Variants in MAP4 observed in about 807,000 individuals in gnomAD.
MAP4 encodes the protein microtubule-associated protein 4.
MAP4 carries 76 observed loss-of-function variants against 170.2 expected under a neutral mutation model. The observed-to-expected ratio is 0.45, with a 90% confidence interval of 0.37 to 0.54. MAP4 has a LOEUF of 0.54. Ranked by LOEUF, MAP4 falls within the 20% of genes least tolerant of loss-of-function variation. MAP4 has a pLI of 0.00. For synonymous variants in MAP4, 909 were observed against 994.5 expected (o/e 0.91, Z 1.62); for missense variants, 2,506 against 2,748.0 (o/e 0.91, Z 1.97).
chr3:47,865,150 A>G (rs2077159985), intron 17 of MAP4, among the ~76,000 whole-genome samples: 1 of 152,198 alleles, frequency 6.6e-6, no homozygotes, highest in African/African-American at 2.4e-5. Context: ...AACCCTACAC[A>G]TGTGAGGTCA....
chr3:47,989,254 AAT>A (rs1447885397), intron 2 of MAP4, among the ~76,000 whole-genome samples: 1 of 152,202 alleles, frequency 6.6e-6, no homozygotes, highest in East Asian at 1.9e-4. Context: ...CTATTTAAAA[AAT>A]ATTGTTTTAA....
chr3:48,068,608 T>A (rs1006867091), intron 1 of MAP4, among the ~76,000 whole-genome samples: 3 of 151,798 alleles, frequency 2.0e-5, no homozygotes. Flanking sequence ...CACGGTGAAA[T>A]CCCATCTCTA....
At chr3:48,029,633 C>G (rs2100114905) in intron 1 of MAP4, among the ~76,000 whole-genome samples, 1 of 152,092 alleles carries the variant, frequency 6.6e-6, no homozygotes, top group African/African-American at 2.4e-5. Context: ...CATGTAGCTA[C>G]AGACAACTAG....
At chr3:47,954,772 G>T (rs184242205) in intron 3 of MAP4, among the ~76,000 whole-genome samples, 8 of 152,308 alleles carry the variant, frequency 5.3e-5, no homozygotes, top group African/African-American at 1.7e-4. Flanking sequence ...TAGATGAAAT[G>T]CTTAGCTCAA....
chr3:47,854,878 A>G (rs1239385628), intron 19 of MAP4, among the ~76,000 whole-genome samples: 1 of 152,126 alleles, frequency 6.6e-6, no homozygotes, highest in Non-Finnish European at 1.5e-5. Flanking sequence ...GGGAACCCAC[A>G]TTCCCCTTGG....
At chr3:47,891,182 T>A in intron 10 of MAP4, 1 of 1,536,240 alleles carries the variant, frequency 6.5e-7, no homozygotes, top group Non-Finnish European at 8.7e-7. Context: ...AAAATCTTCC[T>A]GCCCTTTTTC....
intron 1 of MAP4, among the ~76,000 whole-genome samples, chr3:48,070,520 C>T (rs1443066835): frequency 2.7e-5 from 4 of 149,244 alleles, no homozygotes; most frequent in South Asian, 4.3e-4. Context: ...TGGGGTCTCA[C>T]TATGCTGCTT....
At chr3:48,012,971 GT>G (rs869272625) in intron 1 of MAP4, among the ~76,000 whole-genome samples, 26 of 106,418 alleles carry the variant, frequency 2.4e-4, no homozygotes, top group African/African-American at 5.5e-4. Context: ...AAGTACTGTT[GT>G]TTTTTTTTTC....
At chr3:48,077,235 G>A (rs1212292811) in intron 1 of MAP4, among the ~76,000 whole-genome samples, 1 of 151,980 alleles carries the variant, frequency 6.6e-6, no homozygotes, top group Non-Finnish European at 1.5e-5. Flanking sequence ...CTGAGGTTGG[G>A]AGTTCGAGCC....
chr3:47,891,664 C>G (rs932391281), intron 10 of MAP4: 1 of 1,536,120 alleles, frequency 6.5e-7, no homozygotes, highest in Non-Finnish European at 8.7e-7. Context: ...TCAATTTCTC[C>G]AACTCCTTAT....
intron 3 of MAP4, among the ~76,000 whole-genome samples, chr3:47,947,299 T>TA (rs1578130341): frequency 6.6e-6 from 1 of 152,208 alleles, no homozygotes; most frequent in Non-Finnish European, 1.5e-5. Flanking sequence ...ACTCCCTTTT[T>TA]ACCCCTTCCT....
chr3:48,078,405 C>T (rs2100144968), intron 1 of MAP4, among the ~76,000 whole-genome samples: 1 of 151,424 alleles, frequency 6.6e-6, no homozygotes, highest in Non-Finnish European at 1.5e-5. Flanking sequence ...AATCCTCCCA[C>T]CTCAGCCTCC....
chr3:47,934,392 T>C (rs1396846219), intron 3 of MAP4, among the ~76,000 whole-genome samples: 1 of 152,142 alleles, frequency 6.6e-6, no homozygotes, highest in Admixed American at 6.6e-5. Flanking sequence ...AAACTCCGTC[T>C]CCCAGGCTCA....
intron 3 of MAP4, among the ~76,000 whole-genome samples, chr3:47,935,269 A>T (rs896065308): frequency 3.3e-5 from 5 of 152,206 alleles, no homozygotes; most frequent in African/African-American, 1.2e-4. Flanking sequence ...AGATAGAAGG[A>T]TGTAATTAAA....
rs2052865717 is a variant in MAP4 at position 47,855,167 on chromosome 3, GCCTA to G, written c.6696+77_6696+80del. ...AAGAGACTGAGGGGCGGTGACAGGTGCCTACCTGTGAGGACCCTGACCCTAACTG... is the reference window on the plus strand; with the variant it reads ...AAGAGACTGAGGGGCGGTGACAGGTGCCTGTGAGGACCCTGACCCTAACTG... On this transcript the variant is annotated intron_variant, in intron 19 of 20. Transcript: ENST00000683076. This position sits in a 1 kb window ranked among gnomAD's most constrained non-coding sequence, Gnocchi z 5.1. The G allele has an allele frequency of 2.2e-6, 2 of 895,466 alleles. No individual in the cohort carries two copies. Among genetic ancestry groups the G allele is most frequent in the South Asian group, 2.7e-5 (2 of 72,848 alleles). The allele number at this position is 895,466 out of a possible 1,614,324, so 55.5% of individuals were successfully genotyped here. A position where few individuals can be genotyped will look rare whatever the true frequency, so the allele number is the denominator to read the frequency against.
At chr3:47,951,575 C>T (rs1268523837) in intron 3 of MAP4, among the ~76,000 whole-genome samples, 1 of 152,248 alleles carries the variant, frequency 6.6e-6, no homozygotes, top group Non-Finnish European at 1.5e-5. Context: ...TGGTCTCCAG[C>T]TCCTAACCGC....
chr3:47,945,953 G>T (rs2100059588), intron 3 of MAP4, among the ~76,000 whole-genome samples: 1 of 151,496 alleles, frequency 6.6e-6, no homozygotes, highest in Non-Finnish European at 1.5e-5. Context: ...TATTTTTTTT[G>T]AGATGGAGTC....
chr3:47,881,741 G>A (rs1203078321), intron 10 of MAP4, among the ~76,000 whole-genome samples: 1 of 151,124 alleles, frequency 6.6e-6, no homozygotes, highest in African/African-American at 2.4e-5. Context: ...GAATAGCTAG[G>A]ACCACAGGCA....
At chr3:47,961,856 C>T (rs565386154) in intron 3 of MAP4, among the ~76,000 whole-genome samples, 2 of 152,112 alleles carry the variant, frequency 1.3e-5, no homozygotes, top group Admixed American at 6.5e-5. Flanking sequence ...CTGGTGATGC[C>T]GCAGCACCCC....
Sources: gnomAD v4.1 joint callset for allele counts (sites outside exome capture counted in the v4.1 genomes callset) on GRCh38, gnomAD v4.1.1 for gene constraint, Gnocchi (gnomAD v3.1) non-coding constraint, MANE v1.5 for transcripts, NCBI Gene and HGNC (gene_info 2026-07-23, HGNC 2026-07-21) for gene names.